PIK3R5: variants seen among roughly 807,000 people sequenced by gnomAD.
PIK3R5 encodes the protein phosphoinositide 3-kinase regulatory subunit 5.
A neutral mutation model predicts 94.9 loss-of-function variants in PIK3R5; 32 were observed. The ratio of observed to expected loss-of-function variants is 0.34; its 90% CI spans 0.25 to 0.45. The LOEUF is 0.45. Ranked by LOEUF, PIK3R5 falls within the 20% of genes least tolerant of loss-of-function variation. The probability of loss-of-function intolerance (pLI) is 1.00; values close to 1 mark genes in which losing one functional copy is unlikely to be tolerated. For missense variants in PIK3R5, 853 were observed against 1,144.6 expected, an observed-to-expected ratio of 0.75 and a Z score of 3.68; for synonymous variants, 443 against 479.4, an observed-to-expected ratio of 0.92 and a Z score of 0.99.
chr17:8,925,955 G>A lies in PIK3R5; in HGVS notation c.-13-14448C>T, dbSNP rs1279777434. 6.6e-6 allele frequency among the ~76,000 whole-genome samples: 1 copy of A among 152,236 alleles called. No individual in the cohort carries two copies. Among genetic ancestry groups the A allele is most frequent in the African/African-American group, 2.4e-5 (1 of 41,466 alleles). ...CTGGGCTACAGCTCTCTATTTGGGA[G>A]TTCACATGGTGCTGTGGTCACTGAG... On this transcript the variant is annotated intron_variant, in intron 1 of 18. Coordinates refer to ENST00000447110, the MANE Select transcript of PIK3R5 (RefSeq NM_001142633.3). The surrounding 1 kb of genome is among the most constrained non-coding windows in gnomAD (Gnocchi z 5.1).
Position 8,889,240 on chromosome 17 carries a change from A to G in PIK3R5, c.812-18T>C, listed in dbSNP as rs536152858. 32 of 1,601,238 alleles carry G rather than the reference A, an allele frequency of 2.0e-5. No homozygotes were observed. The Admixed American group carries it at 2.0e-4, about 10-fold the overall frequency. On this transcript the variant is annotated intron_variant, in intron 8 of 18. Coordinates refer to ENST00000447110, the MANE Select transcript of PIK3R5 (RefSeq NM_001142633.3). The surrounding 1 kb of genome is among the most constrained non-coding windows in gnomAD (Gnocchi z 4.1). ...TGCAGTGTCTGTAAGAACAGGGAGG[A>G]TAGGAGAAGAGGGCTGGGAAGAGGC...
chr17:8,926,110 A>G (rs1356411725), intron 1 of PIK3R5, among the ~76,000 whole-genome samples: 4 of 152,334 alleles, frequency 2.6e-5, no homozygotes, highest in Non-Finnish European at 5.9e-5. Context: ...ATGTGACAGG[A>G]TCCAAAACAA....
chr17:8,889,876 T>C lies in PIK3R5; in HGVS notation c.811+97A>G. 3 of 1,286,070 alleles carry C rather than the reference T, an allele frequency of 2.3e-6. No homozygotes were observed. The highest frequency in any genetic ancestry group is 2.5e-5 in the South Asian group (2 of 79,224). 79.7% of individuals were successfully genotyped at this position (1,286,070 alleles called of 1,614,324 possible). A position where few individuals can be genotyped will look rare whatever the true frequency, so the allele number is the denominator to read the frequency against. ...GAAGCTGAGTCCCTGAGTGACTGTGTGGAGCAGAGCCACCAGGCCCGCCTG... is the reference window on the plus strand; with the variant it reads ...GAAGCTGAGTCCCTGAGTGACTGTGCGGAGCAGAGCCACCAGGCCCGCCTG... On this transcript the variant is annotated intron_variant, in intron 8 of 18. Coordinates refer to ENST00000447110, the MANE Select transcript of PIK3R5 (RefSeq NM_001142633.3). This position sits in a 1 kb window ranked among gnomAD's most constrained non-coding sequence, Gnocchi z 4.1.
At chr17:8,886,187 A>G in intron 14 of PIK3R5, 42 bp downstream of exon 14, 4 of 1,485,570 alleles carry the variant, frequency 2.7e-6, no homozygotes, top group Non-Finnish European at 3.7e-6. Context: ...TTCGCGTCCC[A>G]GGCCCCGCCT....
chr17:8,960,415 T>C (rs1227830003), intron 1 of PIK3R5, among the ~76,000 whole-genome samples: 22 of 152,250 alleles, frequency 1.4e-4, no homozygotes. Context: ...TTGAACAATA[T>C]GTGTGTTGCA....
At chr17:8,928,939 T>A (rs962724384) in intron 1 of PIK3R5, among the ~76,000 whole-genome samples, 1 of 152,210 alleles carries the variant, frequency 6.6e-6, no homozygotes, top group Non-Finnish European at 1.5e-5. Context: ...ATTAAATGTA[T>A]GCTGAGTAAA....
rs1203705138 is a variant in PIK3R5 at position 8,945,104 on chromosome 17, T to C, written c.-14+20492A>G. Among the ~76,000 whole-genome samples, 1 of 152,180 alleles carries C rather than the reference T, an allele frequency of 6.6e-6. No homozygotes were observed. Among genetic ancestry groups the C allele is most frequent in the African/African-American group, 2.4e-5 (1 of 41,432 alleles). The stretch of plus-strand genomic sequence containing the variant: ...GACCTGGCAAAGCTTTCTCATTGTT[T>C]CAGCTGTGGCAGGCTTCTAGCCAAA... On this transcript the variant is annotated intron_variant, in intron 1 of 18. Coordinates refer to ENST00000447110, the MANE Select transcript of PIK3R5 (RefSeq NM_001142633.3). The surrounding 1 kb of genome is among the most constrained non-coding windows in gnomAD (Gnocchi z 4.0).
chr17:8,886,990 T>A, intron 12 of PIK3R5, 106 bp downstream of exon 12: 1 of 1,315,484 alleles, frequency 7.6e-7, no homozygotes, highest in Admixed American at 2.2e-5. Context: ...AGGGCCCAGG[T>A]CCTCCATGGG....
chr17:8,905,978 G>A (rs1164521442), intron 3 of PIK3R5, among the ~76,000 whole-genome samples: 1 of 151,978 alleles, frequency 6.6e-6, no homozygotes, highest in African/African-American at 2.4e-5. Flanking sequence ...TTTGCCCTAT[G>A]TATTTTCTTT....
rs2089660491 is a variant in PIK3R5, at chr17:8,881,564, C to A, written c.2382+66G>T. 4.1e-6 allele frequency: 5 copies of A among 1,227,834 alleles called. No homozygotes were observed. Among genetic ancestry groups the A allele is most frequent in the Non-Finnish European group, 5.9e-6 (5 of 848,192 alleles). The allele number at this position is 1,227,834 out of a possible 1,614,324, so 76.1% of individuals were successfully genotyped here. A position where few individuals can be genotyped will look rare whatever the true frequency, so the allele number is the denominator to read the frequency against. On this transcript the variant is annotated intron_variant, in intron 17 of 18. Coordinates refer to ENST00000447110, the MANE Select transcript of PIK3R5 (RefSeq NM_001142633.3). The surrounding 1 kb of genome is among the most constrained non-coding windows in gnomAD (Gnocchi z 4.8). ...ATACATGTGCACACACACGTACACA[C>A]ATACGCACATGCACGCTCCAGTAAG...
At position 8,935,289 on chromosome 17, in the gene PIK3R5, A is replaced by T. The variant is rs974284182; in HGVS notation, c.-13-23782T>A. 1.3e-5 allele frequency among the ~76,000 whole-genome samples: 2 copies of T among 152,194 alleles called. No homozygotes were observed. Among genetic ancestry groups the T allele is most frequent in the Non-Finnish European group, 2.9e-5 (2 of 68,038 alleles). On this transcript the variant is annotated intron_variant, in intron 1 of 18. Transcript: ENST00000447110. The surrounding 1 kb of genome is among the most constrained non-coding windows in gnomAD (Gnocchi z 4.5). ...GGGCAGATTCTCCCTGGAAAGTTAC[A>T]TGAGTGTGCAAACGAAAGCCCCGCC... is the stretch of plus-strand genomic sequence containing the variant.
At position 8,880,155 on chromosome 17, in the gene PIK3R5, T is replaced by C; in HGVS notation, c.*484A>G. 1 of 153,674 alleles carries C rather than the reference T, an allele frequency of 6.5e-6. No individual in the cohort carries two copies. 9.5% of individuals were successfully genotyped at this position (153,674 alleles called of 1,614,324 possible). ...TGGTGTTTGCAGGGAGAGGTGGTCTTGAAGTAGAGAAATGTTTCATCCACA... is the reference window on the plus strand; with the variant it reads ...TGGTGTTTGCAGGGAGAGGTGGTCTCGAAGTAGAGAAATGTTTCATCCACA... On this transcript the variant is annotated 3_prime_UTR_variant, in exon 19 of 19. Transcript: ENST00000447110.
Position 8,889,035 on chromosome 17 carries a change from G to T in PIK3R5, c.895+104C>A. On this transcript the variant is annotated intron_variant, in intron 9 of 18. Transcript: ENST00000447110. The surrounding 1 kb of genome is among the most constrained non-coding windows in gnomAD (Gnocchi z 4.1). The stretch of plus-strand genomic sequence containing the variant: ...CTTGCTCTGCTTAGAGCCTGCTCAT[G>T]TGGGAGAGCTTTGGGGACGGGGTGG... The T allele has an allele frequency of 6.6e-7, 1 of 1,514,452 alleles. No homozygotes were observed. Among genetic ancestry groups the T allele is most frequent in the Non-Finnish European group, 8.9e-7 (1 of 1,122,354 alleles). 93.8% of individuals were successfully genotyped at this position (1,514,452 alleles called of 1,614,324 possible). A position where few individuals can be genotyped will look rare whatever the true frequency, so the allele number is the denominator to read the frequency against.
intron 5 of PIK3R5, among the ~76,000 whole-genome samples, chr17:8,895,654 AACATC>A (rs1300022050): frequency 2.6e-5 from 4 of 152,168 alleles, no homozygotes; most frequent in African/African-American, 9.7e-5. Flanking sequence ...AGCAGTCTCT[AACATC>A]TATATTCGTG....
chr17:8,887,327 G>A (rs569291983), intron 11 of PIK3R5, 106 bp from the exon 12 acceptor site: 1 of 1,480,250 alleles, frequency 6.8e-7, no homozygotes, highest in Admixed American at 2.0e-5. Context: ...GCTTCTCCCT[G>A]CCCTTGGGGA....
intron 1 of PIK3R5, among the ~76,000 whole-genome samples, chr17:8,938,290 C>A (rs1029634336): frequency 6.6e-6 from 1 of 152,162 alleles, no homozygotes; most frequent in Admixed American, 6.5e-5. Flanking sequence ...TCTAAGTTAG[C>A]AAATTGGTGG....
chr17:8,903,464 T>A (rs936098372), intron 5 of PIK3R5, among the ~76,000 whole-genome samples: 2 of 150,318 alleles, frequency 1.3e-5, no homozygotes, highest in Non-Finnish European at 3.0e-5. Context: ...TAGATTTTTT[T>A]ATTTTCTTTA....
chr17:8,928,218 C>T (rs1304262286), intron 1 of PIK3R5, among the ~76,000 whole-genome samples: 2 of 152,092 alleles, frequency 1.3e-5, no homozygotes, highest in African/African-American at 4.8e-5. Flanking sequence ...AGAAAGAAGG[C>T]CGGGCTGAAA....
At chr17:8,943,100 G>A (rs2091215261) in intron 1 of PIK3R5, among the ~76,000 whole-genome samples, 1 of 148,452 alleles carries the variant, frequency 6.7e-6, no homozygotes, top group Admixed American at 6.7e-5. Flanking sequence ...CAGGAGACAG[G>A]GTCTCGCTCT....
Sources: allele counts gnomAD v4.1 joint callset (sites outside exome capture counted in the v4.1 genomes callset), GRCh38; gene constraint gnomAD v4.1.1; non-coding constraint Gnocchi (gnomAD v3.1); transcripts MANE v1.5; gene names NCBI Gene and HGNC (gene_info 2026-07-23, HGNC 2026-07-21).